WWOX: variants seen among roughly 807,000 people sequenced by gnomAD.
WWOX encodes the protein WW domain containing oxidoreductase.
In WWOX, 69 loss-of-function variants were observed where a neutral mutation model predicts 46.2. The observed-to-expected ratio is 1.49, with a 90% CI of 1.23 to 1.82. WWOX has a LOEUF of 1.82. Ranked by LOEUF, WWOX falls within the 40% of genes most tolerant of loss-of-function variation. WWOX has a pLI of 0.00. For missense variants in WWOX, 919 were observed against 542.6 expected (o/e 1.69, Z -6.89); for synonymous variants, 359 against 202.6 (o/e 1.77, Z -6.56).
At chr16:78,530,223 C>G (rs28459582) in intron 8 of WWOX, among the ~76,000 whole-genome samples, 8 of 152,116 alleles carry the variant, frequency 5.3e-5, no homozygotes, top group Non-Finnish European at 1.2e-4. Context: ...AGTCAGTGCT[C>G]TTTTAGTTTT....
At chr16:78,767,464 GTGTGAGTGTGTGTGTGTC>G (rs1018849735) in intron 8 of WWOX, among the ~76,000 whole-genome samples, 1 of 118,854 alleles carries the variant, frequency 8.4e-6, no homozygotes, top group African/African-American at 3.3e-5. Flanking sequence ...TAATGTTTCT[GTGTGAGTGTGTGTGTGTC>G]TGTGTGTGTG....
At chr16:78,143,373 A>G (rs1002771273) in intron 4 of WWOX, among the ~76,000 whole-genome samples, 2 of 152,302 alleles carry the variant, frequency 1.3e-5, no homozygotes. Context: ...GCTTCAGGTC[A>G]GTTTAGAACC....
At chr16:79,008,605 A>T (rs551126468) in intron 8 of WWOX, among the ~76,000 whole-genome samples, 1 of 152,182 alleles carries the variant, frequency 6.6e-6, no homozygotes, top group Non-Finnish European at 1.5e-5. Flanking sequence ...ACTTAGAAGC[A>T]TTATGCACCA....
chr16:79,202,721 T>G (rs1028888498), intron 8 of WWOX: 2 of 152,226 alleles, frequency 1.3e-5, no homozygotes, highest in Admixed American at 6.5e-5. Flanking sequence ...CTTCATATTA[T>G]AAAAGTACCT....
intron 5 of WWOX, among the ~76,000 whole-genome samples, chr16:78,172,148 A>G (rs994119998): frequency 6.6e-6 from 1 of 152,158 alleles, no homozygotes; most frequent in African/African-American, 2.4e-5. Flanking sequence ...CAAGTATTGT[A>G]CTCATACATT....
rs185465950 is a variant in WWOX at position 79,061,004 on chromosome 16, T to C, written c.1057-150604T>C. 7.2e-3 allele frequency among the ~76,000 whole-genome samples: 1,092 copies of C among 152,298 alleles called. 5 individuals are homozygous for C. The highest frequency in any genetic ancestry group is 0.012 in the Non-Finnish European group (812 of 68,034). On this transcript the variant is annotated intron_variant, in intron 8 of 8. Coordinates refer to ENST00000566780, the MANE Select transcript of WWOX (RefSeq NM_016373.4). ...AATATGCTGAAGCTTGCACAGCTAG[T>C]AAATGGCAGAACATTCAGACTGGAA...
chr16:78,829,443 A>C (rs568318833), intron 8 of WWOX, among the ~76,000 whole-genome samples: 1 of 152,210 alleles, frequency 6.6e-6, no homozygotes. Context: ...TACTCAGTCT[A>C]CTGATTCAAA....
intron 5 of WWOX, among the ~76,000 whole-genome samples, chr16:78,174,599 G>A (rs940718741): frequency 5.9e-5 from 9 of 152,210 alleles, no homozygotes; most frequent in African/African-American, 2.2e-4. Context: ...GGCATCAGCT[G>A]TAAAGTCTAT....
At chr16:79,017,706 A>AT (rs113284739) in intron 8 of WWOX, among the ~76,000 whole-genome samples, 143 of 149,454 alleles carry the variant, frequency 9.6e-4, no homozygotes, top group African/African-American at 2.5e-3. Flanking sequence ...TATTTTTTTG[A>AT]TTTTTTTTTT....
chr16:79,042,728 G>GTTTTTTTTTTTTTTTTT (rs11379084), intron 8 of WWOX, among the ~76,000 whole-genome samples: 2 of 143,126 alleles, frequency 1.4e-5, no homozygotes, highest in Non-Finnish European at 1.5e-5. Flanking sequence ...AATACTCAGG[G>GTTTTTTTTTTTTTTTTT]TTTTTTTTTT....
chr16:78,632,954 C>T (rs1367986463), intron 8 of WWOX, among the ~76,000 whole-genome samples: 1 of 151,972 alleles, frequency 6.6e-6, no homozygotes, highest in East Asian at 1.9e-4. Flanking sequence ...TTTATTATCC[C>T]CATTTTACAG....
chr16:78,927,386 A>G (rs1567654753), intron 8 of WWOX, among the ~76,000 whole-genome samples: 1 of 152,188 alleles, frequency 6.6e-6, no homozygotes, highest in Non-Finnish European at 1.5e-5. Flanking sequence ...GGAGCAGACC[A>G]TCAATAACTG....
intron 8 of WWOX, among the ~76,000 whole-genome samples, chr16:78,796,780 C>G (rs8063748): frequency 0.52 from 78,434 of 151,560 alleles, 20,425 homozygotes; most frequent in African/African-American, 0.53. Flanking sequence ...TGTGTGAGCT[C>G]TGGCTGGTCA....
At chr16:78,834,215 A>G (rs1311715529) in intron 8 of WWOX, among the ~76,000 whole-genome samples, 2 of 152,170 alleles carry the variant, frequency 1.3e-5, no homozygotes, top group Non-Finnish European at 2.9e-5. Flanking sequence ...TTTGTGCCGA[A>G]CAGGGCCCGT....
At chr16:78,795,108 G>A (rs1487541217) in intron 8 of WWOX, among the ~76,000 whole-genome samples, 1 of 152,170 alleles carries the variant, frequency 6.6e-6, no homozygotes, top group Non-Finnish European at 1.5e-5. Context: ...TGTTGGTGGT[G>A]GAGGAGGTGA....
chr16:78,225,875 C>A (rs7190964), intron 5 of WWOX, among the ~76,000 whole-genome samples: 1 of 152,000 alleles, frequency 6.6e-6, no homozygotes, highest in East Asian at 1.9e-4. Context: ...ATTCTGTTCT[C>A]TGTTTTTATA....
chr16:78,616,074 A>G (rs1026529913), intron 8 of WWOX, among the ~76,000 whole-genome samples: 4 of 152,130 alleles, frequency 2.6e-5, no homozygotes, highest in African/African-American at 7.2e-5. Flanking sequence ...GAAGAAGATA[A>G]CATTAGCTAT....
intron 4 of WWOX, chr16:78,130,172 A>G (rs902327991): frequency 4.6e-5 from 7 of 152,298 alleles, no homozygotes; most frequent in South Asian, 2.1e-4. Flanking sequence ...TCTTTCCTTT[A>G]TAAATTTCCC....
At chr16:78,958,712 C>T (rs1050260615) in intron 8 of WWOX, among the ~76,000 whole-genome samples, 2 of 152,120 alleles carry the variant, frequency 1.3e-5, no homozygotes, top group African/African-American at 4.8e-5. Flanking sequence ...ATGGTATGTG[C>T]AGGTATCACC....
Sources: allele counts gnomAD v4.1 joint callset (sites outside exome capture counted in the v4.1 genomes callset), GRCh38; gene constraint gnomAD v4.1.1; transcripts MANE v1.5; gene names NCBI Gene and HGNC (gene_info 2026-07-23, HGNC 2026-07-21).